The following CDHR5 variants were observed in gnomAD, a reference collection of about 807,000 sequenced individuals.
The protein encoded by CDHR5 is cadherin-related family member 5.
A neutral mutation model predicts 69.5 loss-of-function variants in CDHR5; 82 were observed. The observed-to-expected ratio is 1.18, with a 90% CI of 0.99 to 1.42. The LOEUF is 1.42. Ranked by LOEUF, CDHR5 falls within the 40% of genes most tolerant of loss-of-function variation. CDHR5 has a pLI of 0.00. For missense variants in CDHR5, 1,293 were observed against 1,168.9 expected, an observed-to-expected ratio of 1.11 and a Z score of -1.55; for synonymous variants, 601 against 510.2, an observed-to-expected ratio of 1.18 and a Z score of -2.40.
chr11:617,402 C>T lies in CDHR5; in HGVS notation c.2487G>A (p.Gly829=), dbSNP rs766718914. The T allele has an allele frequency of 1.9e-6, 3 of 1,609,798 alleles. No individual in the cohort carries two copies. Among genetic ancestry groups the T allele is most frequent in the East Asian group, 4.5e-5 (2 of 44,866 alleles). The change falls in exon 15 of 15, where the codon GGG becomes GGA. Residue 829 remains glycine, a synonymous_variant. Coordinates refer to ENST00000397542, the MANE Select transcript of CDHR5 (RefSeq NM_021924.5). The part of the protein sequence containing the change: ...SGSGDEGEGA[G]RGGGPYDAPG... ...GCGCATCGTAGGGACCCCCACCCCT[C>T]CCCGCGCCCTCGCCCTCATCGCCGC...
rs556539829 is a variant in CDHR5 at position 623,075 on chromosome 11, G to A, written c.312+1138C>T. Among the ~76,000 whole-genome samples the A allele has an allele frequency of 3.3e-5, 5 of 152,118 alleles. No homozygotes were observed. In the East Asian group the frequency reaches 7.8e-4, roughly 24 times the overall value. ...TGTAATCCCAGCACTTTGGGAGGCC[G>A]AGGCGGGCAGATCACCTGAGGTCAG... On this transcript the variant is annotated intron_variant, in intron 3 of 14. Transcript: ENST00000397542.
chr11:621,994 G>A lies in CDHR5; in HGVS notation c.313-90C>T, dbSNP rs575778077. 9.8e-7 allele frequency: 1 copy of A among 1,015,848 alleles called. No individual in the cohort carries two copies. Among genetic ancestry groups the A allele is most frequent in the South Asian group, 1.5e-5 (1 of 67,712 alleles). The allele number at this position is 1,015,848 out of a possible 1,614,324, so 62.9% of individuals were successfully genotyped here. A position where few individuals can be genotyped will look rare whatever the true frequency, so the allele number is the denominator to read the frequency against. ...GCTATCCGTCCCCACCGTGAGTGAG[G>A]TGCACCCCTCAACGGCCACCTGTCC... On this transcript the variant is annotated intron_variant, in intron 3 of 14. Transcript: ENST00000397542. The surrounding 1 kb of genome is among the most constrained non-coding windows in gnomAD (Gnocchi z 4.4).
chr11:617,888 C>A, intron 14 of CDHR5, 66 bp downstream of exon 14: 1 of 1,558,750 alleles, frequency 6.4e-7, no homozygotes, highest in Non-Finnish European at 8.7e-7. Context: ...CTGCCCTCCC[C>A]TCTCCTGTCC....
At chr11:622,954 T>G (rs758104727) in intron 3 of CDHR5, among the ~76,000 whole-genome samples, 2 of 152,126 alleles carry the variant, frequency 1.3e-5, no homozygotes, top group Admixed American at 6.6e-5. Flanking sequence ...CTCCTGAGTT[T>G]CTGTTCATCT....
Position 621,941 on chromosome 11 carries a change from TC to T in CDHR5, c.313-38del. The T allele has an allele frequency of 6.5e-7, 1 of 1,545,344 alleles. No individual in the cohort carries two copies. The highest frequency in any genetic ancestry group is 8.9e-7 in the Non-Finnish European group (1 of 1,123,802). Reference sequence around the variant, plus strand: ...GGCCGTCAGCCTCTCCCACAGCCCCTCCCCGTTGTGAGGTGCACCCCTCGAC... The same window carrying T: ...GGCCGTCAGCCTCTCCCACAGCCCCTCCCGTTGTGAGGTGCACCCCTCGAC... On this transcript the variant is annotated intron_variant, in intron 3 of 14. Coordinates refer to ENST00000397542, the MANE Select transcript of CDHR5 (RefSeq NM_021924.5). This position sits in a 1 kb window ranked among gnomAD's most constrained non-coding sequence, Gnocchi z 4.4.
chr11:618,370 G>A (rs1019292396), intron 13 of CDHR5, among the ~76,000 whole-genome samples: 4 of 152,184 alleles, frequency 2.6e-5, no homozygotes, highest in African/African-American at 9.7e-5. Context: ...AGCGGCAGCC[G>A]TGGGAATCGT....
Position 617,230 on chromosome 11 carries a change from G to A in CDHR5, c.*121C>T, listed in dbSNP as rs933206289. ...GTGAATGGGACCCCCATGGACCCGC[G>A]CGCCTGCCCCACGCCATGGCCTGGG... On this transcript the variant is annotated 3_prime_UTR_variant, in exon 15 of 15. Coordinates refer to ENST00000397542, the MANE Select transcript of CDHR5 (RefSeq NM_021924.5). The A allele has an allele frequency of 1.3e-4, 101 of 752,670 alleles. No homozygotes were observed. In the African/African-American group the frequency reaches 1.6e-3, roughly 12 times the overall value. The allele number at this position is 752,670 out of a possible 1,614,324, so 46.6% of individuals were successfully genotyped here.
rs370172891 is a variant in CDHR5, at chr11:617,990, A to G, written c.2082T>C (p.Tyr694=). 8.1e-6 allele frequency: 13 copies of G among 1,612,034 alleles called. No homozygotes were observed. Among genetic ancestry groups the G allele is most frequent in the Non-Finnish European group, 8.5e-6 (10 of 1,179,730 alleles). ...CACAGCAGCACTTGAGCCGGGGGCC[A>G]TAGTGCTTGTGGACAAGGACGGCGA... is the stretch of plus-strand genomic sequence containing the variant. ...LGLAVLVHKH[Y]GPRLKCCCGK... Residue 694 remains tyrosine (Y), a synonymous_variant, in exon 14 of 15, where the codon TAT becomes TAC. Transcript: ENST00000397542.
chr11:618,535 A>G, intron 13 of CDHR5, 64 bp downstream of exon 13: 1 of 1,581,094 alleles, frequency 6.3e-7, no homozygotes, highest in Non-Finnish European at 8.7e-7. Context: ...GACCCTTCCT[A>G]CAGCGTTTCC....
rs934046087 is a variant in CDHR5, at chr11:619,866, G to A, written c.994C>T (p.Leu332Phe). The A allele has an allele frequency of 6.5e-7, 1 of 1,549,778 alleles. No individual in the cohort carries two copies. The highest frequency in any genetic ancestry group is 1.4e-5 in the African/African-American group (1 of 73,678). ...ACCTGGGTCACTGAGTAGCGGGCAA[G>A]GTCGGCCTGTTGGCCCTGGAGGCGG... is the stretch of plus-strand genomic sequence containing the variant. ...LLLVKGQQAD[L>F]ARYSVTQVTV... Residue 332 changes from leucine to phenylalanine, a missense_variant, in exon 10 of 15, where the codon CTT becomes TTT. Transcript: ENST00000397542.
chr11:617,395 C>A lies in CDHR5; in HGVS notation c.2494G>T (p.Gly832Trp), dbSNP rs1856981730. 73 of 1,610,356 alleles carry A rather than the reference C, an allele frequency of 4.5e-5. No homozygotes were observed. The highest frequency in any genetic ancestry group is 6.0e-5 in the Non-Finnish European group (71 of 1,178,444). ...GDEGEGAGRG[G>W]GPYDAPGGDD... ...CCACCGGGCGCATCGTAGGGACCCC[C>A]ACCCCTCCCCGCGCCCTCGCCCTCA... The change falls in exon 15 of 15, where the codon GGG (glycine) becomes TGG (tryptophan). Residue 832 changes from glycine (G) to tryptophan (W), a missense_variant. Physicochemically the swap from Gly to Trp is radical, Grantham distance 184 (BLOSUM62 -2). Transcript: ENST00000397542.
chr11:620,497 C>G, intron 7 of CDHR5, 111 bp from the exon 8 acceptor site: 1 of 695,016 alleles, frequency 1.4e-6, no homozygotes, highest in South Asian at 1.8e-5. Context: ...GGGCCCAGTC[C>G]CGCTGGTGGC....
In CDHR5 at chr11:624,872, G is replaced by C; in HGVS notation, c.31C>G (p.Leu11Val). Reference protein sequence around the residue: MGSWALLWPPLLFTGLLVRPP... With the variant: MGSWALLWPPVLFTGLLVRPP... ...CGGACGAGCAGCCCGGTGAACAGCA[G>C]GGGAGGCCACAGCAGGGCCCAAGAC... Residue 11 changes from leucine (L) to valine (V), a missense_variant, in exon 1 of 15, where the codon CTG becomes GTG. Transcript: ENST00000397542. This position sits in a 1 kb window ranked among gnomAD's most constrained non-coding sequence, Gnocchi z 5.3. 6.3e-7 allele frequency: 1 copy of C among 1,577,972 alleles called. No individual in the cohort carries two copies. The highest frequency in any genetic ancestry group is 8.6e-7 in the Non-Finnish European group (1 of 1,164,140).
At position 616,584 on chromosome 11, in the gene CDHR5, T is replaced by G. The variant is rs1467874021; in HGVS notation, c.*767A>C. On this transcript the variant is annotated 3_prime_UTR_variant, in exon 15 of 15. Transcript: ENST00000397542. Reference sequence around the variant, plus strand: ...TCAGATACTCTCACAATTAAAACATTTGGAAAGGAATTAATGGTGTATTTC... The same window carrying G: ...TCAGATACTCTCACAATTAAAACATGTGGAAAGGAATTAATGGTGTATTTC... The G allele has an allele frequency of 6.6e-6, 1 of 152,332 alleles. No homozygotes were observed. Among genetic ancestry groups the G allele is most frequent in the Non-Finnish European group, 1.5e-5 (1 of 68,070 alleles). 9.4% of individuals were successfully genotyped at this position (152,332 alleles called of 1,614,324 possible).
In CDHR5 at chr11:621,477, A is replaced by G. The variant is rs778657352; in HGVS notation, c.508-22T>C. The stretch of plus-strand genomic sequence containing the variant: ...CACCCTGGGGAGGGTCAGGGAGGAC[A>G]GAGCCTAAGAGCCTTGGAGGGCGAG... On this transcript the variant is annotated intron_variant, in intron 5 of 14. Transcript: ENST00000397542. This position sits in a 1 kb window ranked among gnomAD's most constrained non-coding sequence, Gnocchi z 4.4. 1.2e-6 allele frequency: 2 copies of G among 1,603,402 alleles called. No homozygotes were observed. Among genetic ancestry groups the G allele is most frequent in the South Asian group, 1.1e-5 (1 of 90,896 alleles).
chr11:620,435 G>T, intron 7 of CDHR5, 49 bp from the exon 8 acceptor site: 2 of 1,319,530 alleles, frequency 1.5e-6, no homozygotes, highest in Non-Finnish European at 2.1e-6. Flanking sequence ...GGGGTGGATG[G>T]CCCCAGCCTG....
Position 618,997 on chromosome 11 carries a change from G to C in CDHR5, c.1562C>G (p.Pro521Arg), listed in dbSNP as rs753840919. 1.2e-6 allele frequency: 2 copies of C among 1,613,218 alleles called. No homozygotes were observed. The highest frequency in any genetic ancestry group is 2.7e-5 in the African/African-American group (2 of 74,732). Residue 521 changes from proline (P) to arginine (R), a missense_variant, in exon 13 of 15, where the codon CCC becomes CGC. Transcript: ENST00000397542. ...GGAGGTGCTGTTTTCTGCACCCGGG[G>C]GCCCCCCGGGTGTGGACGAGGTTGG... Reference protein sequence around the residue: ...RPPTSSTPGGPPGAENSTSHQ... With the variant: ...RPPTSSTPGGRPGAENSTSHQ...
At position 621,741 on chromosome 11, in the gene CDHR5, C is replaced by A; in HGVS notation, c.405+71G>T. ...CCACTGTGGTTGAGCCCCCGGCCACCACTCACCTCCTGCCCTCACCCTGGG... is the reference window on the plus strand; with the variant it reads ...CCACTGTGGTTGAGCCCCCGGCCACAACTCACCTCCTGCCCTCACCCTGGG... On this transcript the variant is annotated intron_variant, in intron 4 of 14. Transcript: ENST00000397542. This position sits in a 1 kb window ranked among gnomAD's most constrained non-coding sequence, Gnocchi z 4.4. The A allele has an allele frequency of 6.4e-7, 1 of 1,556,340 alleles. No homozygotes were observed. Among genetic ancestry groups the A allele is most frequent in the South Asian group, 1.1e-5 (1 of 89,468 alleles).
Position 621,482 on chromosome 11 carries a change from C to T in CDHR5, c.508-27G>A, listed in dbSNP as rs565334705. 2.9e-4 allele frequency: 466 copies of T among 1,605,022 alleles called. 4 individuals are homozygous for T. In the South Asian group the frequency reaches 4.8e-3, roughly 17 times the overall value. ...TGGGGAGGGTCAGGGAGGACAGAGC[C>T]TAAGAGCCTTGGAGGGCGAGGGCGG... is the stretch of plus-strand genomic sequence containing the variant. On this transcript the variant is annotated intron_variant, in intron 5 of 14. Coordinates refer to ENST00000397542, the MANE Select transcript of CDHR5 (RefSeq NM_021924.5). This position sits in a 1 kb window ranked among gnomAD's most constrained non-coding sequence, Gnocchi z 4.4.
Sources: allele counts gnomAD v4.1 joint callset (sites outside exome capture counted in the v4.1 genomes callset), GRCh38; gene constraint gnomAD v4.1.1; non-coding constraint Gnocchi (gnomAD v3.1); transcripts MANE v1.5; gene names NCBI Gene and HGNC (gene_info 2026-07-23, HGNC 2026-07-21).